CACNA1C: variants seen among roughly 807,000 people sequenced by gnomAD.
The protein encoded by CACNA1C is calcium voltage-gated channel subunit alpha1 C.
Under a neutral mutation model 229.0 loss-of-function variants are expected in CACNA1C, and 30 were observed. The ratio of observed to expected loss-of-function variants is 0.13; its 90% CI spans 0.10 to 0.18. The LOEUF is 0.18. CACNA1C is among the 10% of genes least tolerant of loss of function. The pLI, the probability that CACNA1C is intolerant of heterozygous loss-of-function variation, is 1.00. For missense variants in CACNA1C, 1,658 were observed against 2,845.0 expected (o/e 0.58, Z 9.49); for synonymous variants, 1,114 against 1,132.5 (o/e 0.98, Z 0.33).
intron 4 of CACNA1C, among the ~76,000 whole-genome samples, chr12:2,457,023 A>G (rs1449800252): frequency 6.6e-6 from 1 of 152,114 alleles, no homozygotes; most frequent in African/African-American, 2.4e-5. Flanking sequence ...CCCACTTGAG[A>G]CCTTCTTGTT....
At position 1,987,799 on chromosome 12, in the gene CACNA1C, G is replaced by A. The variant is rs1328409522; in HGVS notation, c.139+16598G>A. Among the ~76,000 whole-genome samples the A allele has an allele frequency of 2.0e-5, 3 of 152,102 alleles. No individual in the cohort carries two copies. In the East Asian group the frequency reaches 5.8e-4, roughly 29 times the overall value. ...TTAACTATGTATTATGATTTGCAGA[G>A]CTACATGGTGTACTATGATTACATT... On this transcript the variant is annotated intron_variant, in intron 1 of 46. Transcript: ENST00000682462.
At chr12:2,350,171 G>C (rs1330141075) in intron 3 of CACNA1C, among the ~76,000 whole-genome samples, 2 of 152,168 alleles carry the variant, frequency 1.3e-5, no homozygotes, top group Admixed American at 1.3e-4. Context: ...CACAACACTA[G>C]TGTGAGACCA....
At chr12:2,515,081 C>G (rs1310813209) in intron 9 of CACNA1C, among the ~76,000 whole-genome samples, 3 of 152,170 alleles carry the variant, frequency 2.0e-5, no homozygotes, top group African/African-American at 7.2e-5. Flanking sequence ...GCTGGAGGAG[C>G]CCTGGGGGTC....
At chr12:2,476,838 T>A (rs1162112624) in intron 5 of CACNA1C, among the ~76,000 whole-genome samples, 1 of 152,074 alleles carries the variant, frequency 6.6e-6, no homozygotes, top group Non-Finnish European at 1.5e-5. Flanking sequence ...TAAATGAAAA[T>A]CTCTAATGAA....
chr12:2,186,959 C>G (rs943467401), intron 3 of CACNA1C, among the ~76,000 whole-genome samples: 5 of 151,576 alleles, frequency 3.3e-5, no homozygotes, highest in Non-Finnish European at 7.4e-5. Context: ...GTGAGGTCCC[C>G]TTTCCCCACA....
intron 3 of CACNA1C, among the ~76,000 whole-genome samples, chr12:2,230,001 C>T (rs2064311988): frequency 6.6e-6 from 1 of 152,214 alleles, no homozygotes; most frequent in African/African-American, 2.4e-5. Context: ...TGTGTGCGCG[C>T]CCGCCTGGCT....
At chr12:2,675,897 C>G (rs905637580) in intron 39 of CACNA1C, 2 of 152,196 alleles carry the variant, frequency 1.3e-5, no homozygotes, top group Non-Finnish European at 2.9e-5. Context: ...CCACCCCACA[C>G]ATTTACTGTG....
chr12:2,278,928 A>G (rs886873760), intron 3 of CACNA1C, among the ~76,000 whole-genome samples: 1 of 152,188 alleles, frequency 6.6e-6, no homozygotes, highest in Non-Finnish European at 1.5e-5. Flanking sequence ...AATTTTAGTC[A>G]TTATAATGTG....
intron 29 of CACNA1C, among the ~76,000 whole-genome samples, chr12:2,631,108 C>A (rs1412733218): frequency 6.6e-6 from 1 of 152,210 alleles, no homozygotes; most frequent in East Asian, 1.9e-4. Flanking sequence ...TGGTTTTCAA[C>A]ACCAAACCTT....
At chr12:1,977,205 C>T (rs1336846287) in intron 1 of CACNA1C, among the ~76,000 whole-genome samples, 1 of 152,148 alleles carries the variant, frequency 6.6e-6, no homozygotes, top group Non-Finnish European at 1.5e-5. Context: ...AGCTTTTATT[C>T]CTCCATGTAG....
intron 4 of CACNA1C, among the ~76,000 whole-genome samples, chr12:2,456,497 C>G (rs1259644916): frequency 6.6e-6 from 1 of 152,218 alleles, no homozygotes; most frequent in Non-Finnish European, 1.5e-5. Flanking sequence ...GACTTCCTCT[C>G]CCACAGTTCT....
upstream of CACNA1C, among the ~76,000 whole-genome samples, chr12:2,052,818 C>G (rs1225362112): frequency 1.4e-5 from 2 of 145,590 alleles, no homozygotes; most frequent in Non-Finnish European, 3.0e-5. Flanking sequence ...CCGTGCGCCC[C>G]GCGCCGTGCG....
intron 9 of CACNA1C, among the ~76,000 whole-genome samples, chr12:2,538,015 C>A (rs550748358): frequency 6.6e-6 from 1 of 152,234 alleles, no homozygotes; most frequent in Non-Finnish European, 1.5e-5. Context: ...ATAACCAAGG[C>A]AGCCTGATAG....
At chr12:2,505,479 T>G (rs1489947440) in intron 8 of CACNA1C, among the ~76,000 whole-genome samples, 1 of 152,094 alleles carries the variant, frequency 6.6e-6, no homozygotes, top group African/African-American at 2.4e-5. Context: ...TCTACCTAAT[T>G]TCAGCCCTTG....
In CACNA1C at chr12:2,364,436, G is replaced by A. The variant is rs1420102376; in HGVS notation, c.478-84540G>A. Among the ~76,000 whole-genome samples, 4 of 152,182 alleles carry A rather than the reference G, an allele frequency of 2.6e-5. No individual in the cohort carries two copies. In the South Asian group the frequency reaches 8.3e-4, roughly 32 times the overall value. On this transcript the variant is annotated intron_variant, in intron 3 of 46. Transcript: ENST00000399655. ...GAAATCCACACTGTTGTAGAAACCT[G>A]TAAACCCGGTGTGGCGGCCCAGTGC...
At chr12:2,409,504 A>G (rs572211574) in intron 3 of CACNA1C, among the ~76,000 whole-genome samples, 1 of 152,318 alleles carries the variant, frequency 6.6e-6, no homozygotes, top group Non-Finnish European at 1.5e-5. Context: ...GGATATATTA[A>G]CCAGCAGTGG....
chr12:2,209,593 A>G (rs1196320926), intron 3 of CACNA1C, among the ~76,000 whole-genome samples: 1 of 152,220 alleles, frequency 6.6e-6, no homozygotes, highest in Non-Finnish European at 1.5e-5. Flanking sequence ...TCCGAATTAT[A>G]TTTTAGAAAT....
chr12:2,543,505 A>G (rs981211419), intron 9 of CACNA1C, among the ~76,000 whole-genome samples: 1 of 152,224 alleles, frequency 6.6e-6, no homozygotes, highest in Non-Finnish European at 1.5e-5. Flanking sequence ...TGATACCACT[A>G]TGTAATCCCT....
At chr12:2,270,768 C>G (rs2084596701) in intron 3 of CACNA1C, among the ~76,000 whole-genome samples, 1 of 152,234 alleles carries the variant, frequency 6.6e-6, no homozygotes, top group Non-Finnish European at 1.5e-5. Context: ...GCCACAATGT[C>G]TGTATTGCCA....
Sources: gnomAD v4.1 joint callset for allele counts (sites outside exome capture counted in the v4.1 genomes callset) on GRCh38, gnomAD v4.1.1 for gene constraint, MANE v1.5 for transcripts, NCBI Gene and HGNC (gene_info 2026-07-23, HGNC 2026-07-21) for gene names.